ZNF160: variants seen among roughly 807,000 people sequenced by gnomAD.
ZNF160 encodes the protein zinc finger protein 160.
In ZNF160, 9 loss-of-function variants were observed where a neutral mutation model predicts 13.1. The ratio of observed to expected loss-of-function variants is 0.69; its 90% CI spans 0.41 to 1.20. The LOEUF (loss-of-function observed/expected upper bound fraction) is 1.20, where lower values mean the gene tolerates loss of function less well. Among genes scored for constraint, ZNF160 ranks in the 50% most tolerant of loss-of-function variants. The probability of loss-of-function intolerance (pLI) is 0.01; values close to 1 mark genes in which losing one functional copy is unlikely to be tolerated. For synonymous variants in ZNF160, 293 were observed against 333.2 expected, an observed-to-expected ratio of 0.88 and a Z score of 1.31; for missense variants, 838 against 988.0, an observed-to-expected ratio of 0.85 and a Z score of 2.04.
At chr19:53,074,892 A>G (rs1326163935) in intron 4 of ZNF160, among the ~76,000 whole-genome samples, 165 bp downstream of exon 4, 1 of 152,204 alleles carries the variant, frequency 6.6e-6, no homozygotes, top group East Asian at 1.9e-4. Flanking sequence ...CATCTGAGAA[A>G]GGGGAAGATT....
Position 53,068,799 on chromosome 19 carries a change from G to T in ZNF160, c.1735C>A (p.Gln579Lys). Residue 579 changes from glutamine to lysine, a missense_variant, in exon 6 of 6, where the codon CAA becomes AAA. This residue lies in a region of ZNF160 where 400 missense variants were observed against 538.9 expected (regional missense o/e 0.74). Coordinates refer to ENST00000683776, the MANE Select transcript of ZNF160 (RefSeq NM_001322131.2). ...TGAACTCTCCAATGCCTTGCAAGTTGTGATGTTTGAGCGAAGACTTTACCA... is the reference window on the plus strand; with the variant it reads ...TGAACTCTCCAATGCCTTGCAAGTTTTGATGTTTGAGCGAAGACTTTACCA... Reference protein sequence around the residue: ...ECGKVFAQTSQLARHWRVHTG... With the variant: ...ECGKVFAQTSKLARHWRVHTG... 1 of 1,612,650 alleles carries T rather than the reference G, an allele frequency of 6.2e-7. No individual in the cohort carries two copies. The highest frequency in any genetic ancestry group is 1.1e-5 in the South Asian group (1 of 91,060).
At chr19:53,091,114 C>G (rs553265930) in intron 2 of ZNF160, 1 of 152,162 alleles carries the variant, frequency 6.6e-6, no homozygotes, top group Non-Finnish European at 1.5e-5. Context: ...TAATCCCAGC[C>G]GAAGCGGGAG....
At chr19:53,087,059 C>T (rs2084863951) in intron 2 of ZNF160, among the ~76,000 whole-genome samples, 1 of 152,178 alleles carries the variant, frequency 6.6e-6, no homozygotes, top group South Asian at 2.1e-4. Flanking sequence ...AACGTTTCCA[C>T]GGAGGAAGTG....
intron 2 of ZNF160, among the ~76,000 whole-genome samples, chr19:53,089,802 A>C: frequency 1.3e-5 from 2 of 149,570 alleles, no homozygotes; most frequent in Non-Finnish European, 3.0e-5. Flanking sequence ...TCTCATCCTC[A>C]CCTTCCCTCC....
Position 53,066,867 on chromosome 19 carries a change from C to T in ZNF160, c.*1210G>A, listed in dbSNP as rs2083985907. 1 of 152,166 alleles carries T rather than the reference C, an allele frequency of 6.6e-6. No homozygotes were observed. The allele number at this position is 152,166 out of a possible 1,614,324, so 9.4% of individuals were successfully genotyped here. On this transcript the variant is annotated 3_prime_UTR_variant, in exon 6 of 6. Coordinates refer to ENST00000683776, the MANE Select transcript of ZNF160 (RefSeq NM_001322131.2). ...GCATGATCTTGGCTCACCACAACCTCCGCCTCCTGGGTTCAAGCACTCTCC... is the reference window on the plus strand; with the variant it reads ...GCATGATCTTGGCTCACCACAACCTTCGCCTCCTGGGTTCAAGCACTCTCC...
Position 53,066,758 on chromosome 19 carries a change from A to G in ZNF160, c.*1319T>C, listed in dbSNP as rs2083983081. The G allele has an allele frequency of 6.6e-6, 1 of 152,010 alleles. No individual in the cohort carries two copies. Among genetic ancestry groups the G allele is most frequent in the Admixed American group, 6.6e-5 (1 of 15,260 alleles). The allele number at this position is 152,010 out of a possible 1,614,324, so 9.4% of individuals were successfully genotyped here. The stretch of plus-strand genomic sequence containing the variant: ...TCTACTTCTGTTGATTAAACTCTTC[A>G]CTCTGACAACTACTCTCTCTTCAGT... On this transcript the variant is annotated 3_prime_UTR_variant, in exon 6 of 6. Coordinates refer to ENST00000683776, the MANE Select transcript of ZNF160 (RefSeq NM_001322131.2).
At chr19:53,085,735 C>T in intron 3 of ZNF160, 1 of 336,406 alleles carries the variant, frequency 3.0e-6, no homozygotes. Flanking sequence ...TCATCTATCT[C>T]CAATGTCAGT....
intron 3 of ZNF160, chr19:53,085,923 T>C (rs1274411051): frequency 5.1e-6 from 5 of 970,992 alleles, no homozygotes; most frequent in South Asian, 1.5e-5. Flanking sequence ...GCTTCTGTTA[T>C]CATGGTTTAC....
intron 1 of ZNF160, among the ~76,000 whole-genome samples, chr19:53,094,403 A>G (rs1458588805): frequency 6.6e-6 from 1 of 152,134 alleles, no homozygotes; most frequent in Admixed American, 6.5e-5. Context: ...TTCATCCTCT[A>G]AACAGACAAA....
intron 3 of ZNF160, 87 bp from the exon 4 acceptor site, chr19:53,075,270 T>C (rs1006882015): frequency 6.5e-7 from 1 of 1,538,340 alleles, no homozygotes; most frequent in East Asian, 2.3e-5. Context: ...AATGTGAGAA[T>C]AGGTTAAATT....
Position 53,099,702 on chromosome 19 carries a change from T to C in ZNF160, c.-354+3563A>G, listed in dbSNP as rs564092750. ...TTTAATTGCAGTGGGCACTCCCCAA[T>C]TCCTAGAAGAACTGCAAAACACAGA... On this transcript the variant is annotated intron_variant, in intron 1 of 5. Transcript: ENST00000683776. 7.2e-5 allele frequency among the ~76,000 whole-genome samples: 11 copies of C among 152,294 alleles called. 1 individual carries two copies. In the South Asian group the frequency reaches 2.3e-3, roughly 32 times the overall value.
intron 1 of ZNF160, among the ~76,000 whole-genome samples, chr19:53,099,801 C>T (rs1284331651): frequency 6.6e-6 from 1 of 152,136 alleles, no homozygotes; most frequent in African/African-American, 2.4e-5. Context: ...GAGTCCCTCA[C>T]CTTCACGTTG....
chr19:53,094,634 A>G (rs2085153077), intron 1 of ZNF160, among the ~76,000 whole-genome samples: 1 of 152,174 alleles, frequency 6.6e-6, no homozygotes, highest in South Asian at 2.1e-4. Flanking sequence ...TTAGCCTTCA[A>G]TTAAGTGGCC....
rs375081222 is a variant in ZNF160 at position 53,096,755 on chromosome 19, C to T, written c.-353-5035G>A. Among the ~76,000 whole-genome samples, 3 of 127,342 alleles carry T rather than the reference C, an allele frequency of 2.4e-5. 1 individual carries two copies. Among genetic ancestry groups the T allele is most frequent in the Admixed American group, 2.3e-4 (3 of 13,052 alleles). The allele number at this position is 127,342 out of a possible 152,430, so 83.5% of individuals were successfully genotyped here. A position where few individuals can be genotyped will look rare whatever the true frequency, so the allele number is the denominator to read the frequency against. On this transcript the variant is annotated intron_variant, in intron 1 of 5. Coordinates refer to ENST00000683776, the MANE Select transcript of ZNF160 (RefSeq NM_001322131.2). ...GGGAGAAAGGAGAGAGACAAACAGA[C>T]CAACCCGTCCTCTCCCTCAATCACC... is the stretch of plus-strand genomic sequence containing the variant.
intron 3 of ZNF160, among the ~76,000 whole-genome samples, chr19:53,081,671 G>C (rs951576123): frequency 6.6e-6 from 1 of 152,052 alleles, no homozygotes; most frequent in South Asian, 2.1e-4. Context: ...TACACTTATG[G>C]GAATGCAAAT....
intron 1 of ZNF160, among the ~76,000 whole-genome samples, chr19:53,099,425 G>C (rs1162758605): frequency 6.6e-6 from 1 of 152,224 alleles, no homozygotes; most frequent in Non-Finnish European, 1.5e-5. Flanking sequence ...CTGGACACTG[G>C]CAGGGGCCCT....
intron 3 of ZNF160, 126 bp from the exon 4 acceptor site, chr19:53,075,309 G>T: frequency 8.3e-7 from 1 of 1,207,256 alleles, no homozygotes; most frequent in Non-Finnish European, 1.2e-6. Context: ...GATCCAGATT[G>T]TGACAATGTG....
intron 3 of ZNF160, among the ~76,000 whole-genome samples, chr19:53,082,702 C>CAAAT (rs887328884): frequency 2.6e-4 from 39 of 152,220 alleles, no homozygotes; most frequent in African/African-American, 9.2e-4. Flanking sequence ...AATAAATAAA[C>CAAAT]AGATGTATAG....
At chr19:53,097,540 A>G (rs1490379915) in intron 1 of ZNF160, among the ~76,000 whole-genome samples, 1 of 152,126 alleles carries the variant, frequency 6.6e-6, no homozygotes, top group Non-Finnish European at 1.5e-5. Flanking sequence ...TAATATACAC[A>G]AACACCCCAG....
Sources: allele counts gnomAD v4.1 joint callset (sites outside exome capture counted in the v4.1 genomes callset), GRCh38; gene constraint gnomAD v4.1.1; regional missense constraint gnomAD v4.1.1; transcripts MANE v1.5; gene names NCBI Gene and HGNC (gene_info 2026-07-23, HGNC 2026-07-21).